Variants in DNAH7 observed in about 807,000 individuals in gnomAD.
The protein encoded by DNAH7 is axonemal beta dynein heavy chain 7.
In DNAH7, 397 loss-of-function variants were observed where a neutral mutation model predicts 444.6. The observed-to-expected ratio is 0.89, with a 90% CI of 0.82 to 0.97. The LOEUF is 0.97. DNAH7 is among the 50% of genes least tolerant of loss of function. The pLI is 0.00. For missense variants in DNAH7, 4,902 were observed against 4,800.8 expected (o/e 1.02, Z -0.62); for synonymous variants, 1,636 against 1,624.4 (o/e 1.01, Z -0.17).
chr2:195,994,855 G>A (rs1258370098), intron 12 of DNAH7: 2 of 424,680 alleles, frequency 4.7e-6, no homozygotes. Context: ...ACTGAGCTTG[G>A]TTGCTTCTTT....
intron 49 of DNAH7, among the ~76,000 whole-genome samples, chr2:195,819,760 G>A (rs902800022): frequency 7.9e-5 from 12 of 152,278 alleles, no homozygotes; most frequent in African/African-American, 2.9e-4. Flanking sequence ...ACTTAAGCGT[G>A]ATCAGCAGTT....
At chr2:195,938,480 G>A (rs1195923985) in intron 19 of DNAH7, among the ~76,000 whole-genome samples, 3 of 151,460 alleles carry the variant, frequency 2.0e-5, no homozygotes, top group Non-Finnish European at 2.9e-5. Flanking sequence ...AAGTATGCCT[G>A]TATTTGTTTG....
Position 195,984,668 on chromosome 2 carries a change from G to C in DNAH7, c.1797C>G (p.Ser599Arg), listed in dbSNP as rs190174149. Residue 599 changes from serine to arginine, a missense_variant, in exon 15 of 65, where the codon AGC becomes AGG. Coordinates refer to ENST00000312428, the MANE Select transcript of DNAH7 (RefSeq NM_018897.3). Reference sequence around the variant, plus strand: ...TTAGTTCTGCTGTATTTGGAGGAGTGCTAAGAGCTTTTTCAGCTATCCTCT... The same window carrying C: ...TTAGTTCTGCTGTATTTGGAGGAGTCCTAAGAGCTTTTTCAGCTATCCTCT... The part of the protein sequence containing the change: ...EFERIAEKAL[S>R]TPPNTAELME... 8 of 1,613,952 alleles carry C rather than the reference G, an allele frequency of 5.0e-6. No individual in the cohort carries two copies. The African/African-American group carries it at 1.1e-4, about 22-fold the overall frequency.
In DNAH7 at chr2:195,934,727, A is replaced by G. The variant is rs202162878; in HGVS notation, c.3335T>C (p.Leu1112Ser). ...GCTGCTCTTCATGTGAGTAATGTCT[A>G]AAGTTTCCGTAAATTCTACCTTTGC... Reference protein sequence around the residue: ...GIAKVEFTETLDITHMKSSEG... With the variant: ...GIAKVEFTETSDITHMKSSEG... Residue 1112 changes from leucine to serine, a missense_variant, in exon 21 of 65, where the codon TTA becomes TCA. Coordinates refer to ENST00000312428, the MANE Select transcript of DNAH7 (RefSeq NM_018897.3). 35 of 1,614,106 alleles carry G rather than the reference A, an allele frequency of 2.2e-5. No individual in the cohort carries two copies. The African/African-American group carries it at 3.2e-4, about 15-fold the overall frequency.
At chr2:195,771,345 AAAT>A (rs1329056586) in intron 61 of DNAH7, among the ~76,000 whole-genome samples, 2 of 151,886 alleles carry the variant, frequency 1.3e-5, no homozygotes, top group African/African-American at 4.8e-5. Flanking sequence ...ATCTCTAAAA[AAAT>A]AATAATAATA....
intron 12 of DNAH7, among the ~76,000 whole-genome samples, chr2:195,990,474 G>A (rs1220053502): frequency 1.3e-5 from 2 of 151,980 alleles, no homozygotes; most frequent in Non-Finnish European, 2.9e-5. Context: ...ACCAGCCTGA[G>A]CAATATGGCA....
At chr2:195,960,166 ATTATGTGTGAAATAATTCTCAAAAGAAC>A in intron 18 of DNAH7, 66 bp downstream of exon 18, 4 of 1,016,304 alleles carry the variant, frequency 3.9e-6, no homozygotes, top group Non-Finnish European at 5.7e-6. Flanking sequence ...AGTATGAAAT[ATTATGTGTGAAATAATTCTCAAAAGAAC>A]TTTACATTAA....
chr2:195,929,361 C>G (rs1434429970), intron 21 of DNAH7, among the ~76,000 whole-genome samples: 1 of 152,132 alleles, frequency 6.6e-6, no homozygotes, highest in Non-Finnish European at 1.5e-5. Context: ...TTTCACAGAA[C>G]TGGAAAAAAC....
At chr2:195,780,998 T>C (rs1559091741) in intron 58 of DNAH7, among the ~76,000 whole-genome samples, 1 of 151,996 alleles carries the variant, frequency 6.6e-6, no homozygotes, top group Non-Finnish European at 1.5e-5. Flanking sequence ...TGCTGGAAAT[T>C]ATAAGACTTG....
intron 22 of DNAH7, 107 bp downstream of exon 22, chr2:195,926,319 G>C: frequency 6.6e-6 from 7 of 1,065,720 alleles, no homozygotes; most frequent in Non-Finnish European, 8.6e-6. Flanking sequence ...GCATAAAGTA[G>C]ATTTTTAAGT....
intron 15 of DNAH7, among the ~76,000 whole-genome samples, chr2:195,981,453 GA>G (rs994588969): frequency 9.0e-5 from 13 of 145,234 alleles, no homozygotes; most frequent in Non-Finnish European, 1.2e-4. Flanking sequence ...CTCAGAAATA[GA>G]AAAAAAAAAC....
intron 21 of DNAH7, among the ~76,000 whole-genome samples, chr2:195,928,192 G>A (rs999453134): frequency 6.6e-6 from 1 of 152,112 alleles, no homozygotes. Context: ...TTCTGTTCCT[G>A]TGTTAATTTG....
chr2:196,042,081 T>C (rs1033533046), intron 5 of DNAH7, among the ~76,000 whole-genome samples: 2 of 151,968 alleles, frequency 1.3e-5, no homozygotes, highest in African/African-American at 4.8e-5. Flanking sequence ...GGCAAGGATG[T>C]AGAGAAAGAG....
At chr2:195,929,782 T>C (rs1056750891) in intron 21 of DNAH7, among the ~76,000 whole-genome samples, 4 of 152,210 alleles carry the variant, frequency 2.6e-5, no homozygotes, top group African/African-American at 9.7e-5. Flanking sequence ...GAAGAAAACC[T>C]AGGACACACC....
At chr2:195,844,351 G>A (rs556525703) in intron 47 of DNAH7, among the ~76,000 whole-genome samples, 21 of 152,230 alleles carry the variant, frequency 1.4e-4, no homozygotes, top group African/African-American at 3.9e-4. Context: ...AAAACTGGCC[G>A]AGTGATAAAA....
At chr2:195,802,134 T>A (rs1345584136) in intron 54 of DNAH7, among the ~76,000 whole-genome samples, 1 of 152,240 alleles carries the variant, frequency 6.6e-6, no homozygotes, top group African/African-American at 2.4e-5. Flanking sequence ...CATCTATACA[T>A]AATTAATTCA....
intron 12 of DNAH7, among the ~76,000 whole-genome samples, chr2:195,998,541 T>G (rs1693841047): frequency 6.7e-6 from 1 of 149,860 alleles, no homozygotes; most frequent in South Asian, 2.1e-4. Context: ...CTCCAGCCTG[T>G]GTAACAGAGC....
chr2:195,923,903 C>A, intron 22 of DNAH7, 96 bp from the exon 23 acceptor site: 2 of 1,069,956 alleles, frequency 1.9e-6, no homozygotes, highest in Non-Finnish European at 1.4e-6. Flanking sequence ...TTATTCTCTG[C>A]ATTTTGATTA....
intron 47 of DNAH7, 28 bp downstream of exon 47, chr2:195,844,974 C>A: frequency 1.3e-6 from 2 of 1,596,090 alleles, no homozygotes; most frequent in South Asian, 1.1e-5. Flanking sequence ...TTAATAAAGA[C>A]CATTTGTGAG....
Sources: allele counts gnomAD v4.1 joint callset (sites outside exome capture counted in the v4.1 genomes callset), GRCh38; gene constraint gnomAD v4.1.1; transcripts MANE v1.5; gene names NCBI Gene and HGNC (gene_info 2026-07-23, HGNC 2026-07-21).